Variants in MYH14 observed in about 807,000 individuals in gnomAD.
MYH14 encodes myosin heavy chain 14, also known as myosin-14.
MYH14 carries 123 observed loss-of-function variants against 255.5 expected under a neutral mutation model. The observed-to-expected ratio is 0.48, with a 90% CI of 0.42 to 0.56. The LOEUF (loss-of-function observed/expected upper bound fraction) is 0.56, where lower values mean the gene tolerates loss of function less well. Ranked by LOEUF, MYH14 falls within the 20% of genes least tolerant of loss-of-function variation. The probability of loss-of-function intolerance (pLI) is 0.00; values close to 1 mark genes in which losing one functional copy is unlikely to be tolerated. For missense variants in MYH14, 2,423 were observed against 2,802.3 expected (o/e 0.86, Z 3.06); for synonymous variants, 1,095 against 1,161.2 (o/e 0.94, Z 1.16).
Position 50,281,746 on chromosome 19 carries a change from C to A in MYH14, c.4443C>A (p.Arg1481=). ...ETVDRLERGR[R]RLQQELDDAT... The stretch of plus-strand genomic sequence containing the variant: ...TGGATCGGCTGGAGCGGGGCCGCCG[C>A]CGGCTGCAGCAGGAGCTGGACGACG... The change falls in exon 33 of 43, where the codon CGC becomes CGA. Residue 1481 remains arginine, a synonymous_variant. Coordinates refer to ENST00000642316, the MANE Select transcript of MYH14 (RefSeq NM_001145809.2). The A allele has an allele frequency of 6.2e-7, 1 of 1,612,066 alleles. No homozygotes were observed. The highest frequency in any genetic ancestry group is 1.7e-4 in the Middle Eastern group (1 of 6,046).
intron 39 of MYH14, among the ~76,000 whole-genome samples, chr19:50,297,491 C>CTTTTTTTTTTTTTTTTTT (rs869049808): frequency 1.3e-5 from 1 of 74,324 alleles, no homozygotes; most frequent in Non-Finnish European, 2.4e-5. Context: ...CTCATCTCCT[C>CTTTTTTTTTTTTTTTTTT]TTTTTTTTTT....
intron 26 of MYH14, 139 bp from the exon 27 acceptor site, chr19:50,272,421 G>C: frequency 1.1e-6 from 1 of 877,664 alleles, no homozygotes; most frequent in Admixed American, 2.0e-5. Context: ...AGATAGATGG[G>C]GAAGGTGGGA....
At chr19:50,207,314 A>C (rs1196172757) in intron 1 of MYH14, among the ~76,000 whole-genome samples, 1 of 143,948 alleles carries the variant, frequency 6.9e-6, no homozygotes, top group Non-Finnish European at 1.5e-5. Flanking sequence ...AGAGAGAGAG[A>C]CTAGGGGCAG....
intron 12 of MYH14, among the ~76,000 whole-genome samples, chr19:50,248,220 T>G (rs1386793803): frequency 1.3e-5 from 2 of 152,130 alleles, no homozygotes; most frequent in Non-Finnish European, 2.9e-5. Flanking sequence ...AGGTGAGTTT[T>G]ATTCAAACTA....
At chr19:50,271,788 G>C in intron 25 of MYH14, 61 bp from the exon 26 acceptor site, 1 of 1,605,186 alleles carries the variant, frequency 6.2e-7, no homozygotes, top group South Asian at 1.1e-5. Flanking sequence ...CTGCAGATCA[G>C]GTAAGGGCTG....
Position 50,207,312 on chromosome 19 carries a change from A to AGAGAGAGAGAGAGAGAGAGAGG in MYH14, c.-3-3049_-3-3048insGAGAGAGAGAGAGAGAGAGGGA, listed in dbSNP as rs1438345270. Among the ~76,000 whole-genome samples the AGAGAGAGAGAGAGAGAGAGAGG allele has an allele frequency of 2.4e-4, 36 of 148,248 alleles. 1 individual carries two copies. Among genetic ancestry groups the AGAGAGAGAGAGAGAGAGAGAGG allele is most frequent in the Non-Finnish European group, 4.8e-4 (32 of 67,156 alleles). ...GAGAGAGAGAGAGAGAGAGAGAGAG[A>AGAGAGAGAGAGAGAGAGAGAGG]GACTAGGGGCAGACTTCTTTAGCAG... On this transcript the variant is annotated intron_variant, in intron 1 of 42. Coordinates refer to ENST00000642316, the MANE Select transcript of MYH14 (RefSeq NM_001145809.2).
chr19:50,309,287 G>C, intron 42 of MYH14, 110 bp downstream of exon 42: 2 of 1,101,864 alleles, frequency 1.8e-6, no homozygotes, highest in Non-Finnish European at 2.8e-6. Context: ...TGGGATCCAC[G>C]GGGGTGTGGG....
At chr19:50,246,361 A>G (rs2034125161) in intron 11 of MYH14, among the ~76,000 whole-genome samples, 1 of 151,994 alleles carries the variant, frequency 6.6e-6, no homozygotes, top group Non-Finnish European at 1.5e-5. Context: ...GGTTGGTCTC[A>G]AACTCCTGAC....
chr19:50,262,827 G>A (rs2034935946), intron 21 of MYH14, among the ~76,000 whole-genome samples: 2 of 152,190 alleles, frequency 1.3e-5, no homozygotes, highest in South Asian at 2.1e-4. Context: ...GGGGACGAAC[G>A]GCCAGAACAC....
chr19:50,252,185 G>C lies in MYH14; in HGVS notation c.1831-454G>C, dbSNP rs1489369783. ...CCCTCGGGGGACCGCTGTCTGGTGG[G>C]GGGCACATATGCAGAGAATTGTAGC... is the stretch of plus-strand genomic sequence containing the variant. On this transcript the variant is annotated intron_variant, in intron 15 of 42. Coordinates refer to ENST00000642316, the MANE Select transcript of MYH14 (RefSeq NM_001145809.2). The surrounding 1 kb of genome is among the most constrained non-coding windows in gnomAD (Gnocchi z 4.2). 2.0e-5 allele frequency among the ~76,000 whole-genome samples: 3 copies of C among 152,182 alleles called. No homozygotes were observed. The highest frequency in any genetic ancestry group is 7.2e-5 in the African/African-American group (3 of 41,448).
At chr19:50,207,257 A>AAAGAGAGAG (rs2031827405) in intron 1 of MYH14, among the ~76,000 whole-genome samples, 1 of 26,976 alleles carries the variant, frequency 3.7e-5, no homozygotes, top group Non-Finnish European at 7.5e-5. Context: ...GAGAGAGAGA[A>AAAGAGAGAG]AGAGAGAGAG....
Position 50,230,156 on chromosome 19 carries a change from G to A in MYH14, c.875-369G>A, listed in dbSNP as rs1344644919. On this transcript the variant is annotated intron_variant, in intron 8 of 42. Transcript: ENST00000642316. This position sits in a 1 kb window ranked among gnomAD's most constrained non-coding sequence, Gnocchi z 4.7. ...TTGAACTCCTGACCTCAGGTGATCC[G>A]CCTGCCTTGGCTTTCCAAAGTGTTG... Among the ~76,000 whole-genome samples the A allele has an allele frequency of 1.3e-5, 2 of 152,142 alleles. No homozygotes were observed. Among genetic ancestry groups the A allele is most frequent in the African/African-American group, 4.8e-5 (2 of 41,418 alleles).
chr19:50,256,134 G>T (rs2034583957), intron 17 of MYH14, among the ~76,000 whole-genome samples: 1 of 151,846 alleles, frequency 6.6e-6, no homozygotes, highest in African/African-American at 2.4e-5. Context: ...TTAAAAATTG[G>T]TGGGCATGGT....
At position 50,230,397 on chromosome 19, in the gene MYH14, T is replaced by C. The variant is rs1355824532; in HGVS notation, c.875-128T>C. 7 of 794,622 alleles carry C rather than the reference T, an allele frequency of 8.8e-6. No individual in the cohort carries two copies. The highest frequency in any genetic ancestry group is 6.3e-6 in the Non-Finnish European group (3 of 477,548). The allele number at this position is 794,622 out of a possible 1,614,324, so 49.2% of individuals were successfully genotyped here. On this transcript the variant is annotated intron_variant, in intron 8 of 42. Coordinates refer to ENST00000642316, the MANE Select transcript of MYH14 (RefSeq NM_001145809.2). This position sits in a 1 kb window ranked among gnomAD's most constrained non-coding sequence, Gnocchi z 4.7. The stretch of plus-strand genomic sequence containing the variant: ...CCAGTTAGTGGCAAAGTCACCAGCC[T>C]GGGCTGTGAGCGACTCCACTACACC...
intron 13 of MYH14, 91 bp downstream of exon 13, chr19:50,249,230 C>T (rs2034257575): frequency 7.2e-7 from 1 of 1,379,340 alleles, no homozygotes; most frequent in Non-Finnish European, 9.7e-7. Flanking sequence ...TCTCCCTGGT[C>T]TCTGTCCCCC....
At position 50,210,555 on chromosome 19, in the gene MYH14, G is replaced by A; in HGVS notation, c.190G>A (p.Gly64Arg). The A allele has an allele frequency of 3.8e-6, 6 of 1,583,050 alleles. No homozygotes were observed. Among genetic ancestry groups the A allele is most frequent in the Non-Finnish European group, 5.1e-6 (6 of 1,165,782 alleles). ...RLVWVPSELH[G>R]FEAAALRDEG... ...CGTGTGGGTGCCTTCGGAGCTTCAC[G>A]GGTTCGAGGCGGCGGCGCTGCGGGA... Residue 64 changes from glycine to arginine, a missense_variant, in exon 2 of 43, where the codon GGG becomes AGG. Transcript: ENST00000642316.
chr19:50,259,845 T>C (rs1225563618), intron 19 of MYH14, among the ~76,000 whole-genome samples: 2 of 151,970 alleles, frequency 1.3e-5, no homozygotes, highest in Non-Finnish European at 2.9e-5. Context: ...GCCATTGCAC[T>C]CCAGCCTGGG....
At chr19:50,263,149 A>C (rs1302518285) in intron 21 of MYH14, among the ~76,000 whole-genome samples, 163 bp from the exon 22 acceptor site, 1 of 152,142 alleles carries the variant, frequency 6.6e-6, no homozygotes, top group Non-Finnish European at 1.5e-5. Flanking sequence ...CAGTGAGCCC[A>C]GATCATGCCA....
chr19:50,207,257 A>AAGAGAGAGAGAGAGAGAGAGAGAG (rs2031827890), intron 1 of MYH14, among the ~76,000 whole-genome samples: 1 of 26,972 alleles, frequency 3.7e-5, no homozygotes, highest in Non-Finnish European at 7.5e-5. Context: ...GAGAGAGAGA[A>AAGAGAGAGAGAGAGAGAGAGAGAG]AGAGAGAGAG....
Sources: allele counts gnomAD v4.1 joint callset (sites outside exome capture counted in the v4.1 genomes callset), GRCh38; gene constraint gnomAD v4.1.1; non-coding constraint Gnocchi (gnomAD v3.1); transcripts MANE v1.5; gene names NCBI Gene and HGNC (gene_info 2026-07-23, HGNC 2026-07-21).